The following FER variants were observed in gnomAD, a reference collection of about 807,000 sequenced individuals.
FER encodes the protein tyrosine-protein kinase Fer.
FER carries 63 observed loss-of-function variants against 111.0 expected under a neutral mutation model. The observed-to-expected ratio is 0.57, with a 90% CI of 0.46 to 0.70. FER has a LOEUF of 0.70. FER is among the 30% of genes least tolerant of loss of function. The pLI is 0.00. For missense variants in FER, 914 were observed against 954.0 expected (o/e 0.96, Z 0.55); for synonymous variants, 327 against 313.9 (o/e 1.04, Z -0.44).
Position 108,877,066 on chromosome 5 carries a change from C to G in FER, c.923+4854C>G, listed in dbSNP as rs1333260450. On this transcript the variant is annotated intron_variant, in intron 8 of 19. Coordinates refer to ENST00000281092, the MANE Select transcript of FER (RefSeq NM_005246.4). ...TTTATCAGAAAATGGTTGCTGACTC[C>G]TGTTACAGAGGATGATACCAATTTA... Among the ~76,000 whole-genome samples the G allele has an allele frequency of 1.8e-4, 27 of 152,106 alleles. 1 individual carries two copies. Among genetic ancestry groups the G allele is most frequent in the Admixed American group, 1.6e-3 (24 of 15,252 alleles).
At chr5:108,848,664 C>T (rs924970907) in intron 5 of FER, among the ~76,000 whole-genome samples, 3 of 151,908 alleles carry the variant, frequency 2.0e-5, no homozygotes, top group Non-Finnish European at 4.4e-5. Flanking sequence ...GCTTATGTTA[C>T]AAACTACACA....
intron 17 of FER, among the ~76,000 whole-genome samples, chr5:109,177,264 C>T (rs1396843063): frequency 1.3e-5 from 2 of 151,926 alleles, no homozygotes; most frequent in African/African-American, 4.8e-5. Flanking sequence ...ATGAAATATG[C>T]TTCATTTAAT....
chr5:109,019,986 C>A (rs1192422523), intron 13 of FER, among the ~76,000 whole-genome samples: 1 of 151,832 alleles, frequency 6.6e-6, no homozygotes, highest in African/African-American at 2.4e-5. Flanking sequence ...GAATTTACTT[C>A]AAGGTAACTT....
intron 17 of FER, among the ~76,000 whole-genome samples, chr5:109,157,280 A>G (rs529120951): frequency 1.3e-5 from 2 of 152,282 alleles, no homozygotes; most frequent in South Asian, 4.1e-4. Flanking sequence ...CTGGCAGTTC[A>G]GTGTTACACA....
chr5:108,932,919 G>T (rs1307975449), intron 10 of FER, among the ~76,000 whole-genome samples: 3 of 150,116 alleles, frequency 2.0e-5, no homozygotes, highest in Non-Finnish European at 3.0e-5. Flanking sequence ...GTTCCTTGTA[G>T]ATTCTGGATA....
chr5:108,901,888 C>T (rs931992604), intron 10 of FER, among the ~76,000 whole-genome samples: 3 of 152,178 alleles, frequency 2.0e-5, no homozygotes, highest in African/African-American at 4.8e-5. Context: ...TAGTTTGAGA[C>T]TGCAGTGTTC....
chr5:109,026,502 A>G (rs1227041423), intron 13 of FER, among the ~76,000 whole-genome samples: 1 of 152,018 alleles, frequency 6.6e-6, no homozygotes, highest in Non-Finnish European at 1.5e-5. Context: ...TAATTCTTGG[A>G]TTATAAAAAG....
intron 10 of FER, among the ~76,000 whole-genome samples, chr5:108,916,015 C>A (rs887976597): frequency 2.0e-5 from 3 of 152,272 alleles, no homozygotes; most frequent in Non-Finnish European, 4.4e-5. Flanking sequence ...CTCCAGGTTT[C>A]CATTTTTATT....
intron 2 of FER, among the ~76,000 whole-genome samples, chr5:108,771,803 G>A (rs1001650815): frequency 9.2e-5 from 14 of 152,154 alleles, no homozygotes; most frequent in Non-Finnish European, 1.5e-4. Context: ...AAAACTTTTA[G>A]CATGCAGATC....
Position 108,946,236 on chromosome 5 carries a change from ACT to A in FER, c.1329+19_1329+20del, listed in dbSNP as rs765601404. ...GGCTCTTCAGCAGTAAGTAGGATTA[ACT>A]CTCTGTGCTACTGAAAATGGTCATT... On this transcript the variant is annotated intron_variant, in intron 11 of 19. Transcript: ENST00000281092. 1.9e-6 allele frequency: 3 copies of A among 1,576,948 alleles called. No individual in the cohort carries two copies. The highest frequency in any genetic ancestry group is 1.7e-5 in the Admixed American group (1 of 59,790).
intron 9 of FER, among the ~76,000 whole-genome samples, chr5:108,889,224 A>C (rs1393136834): frequency 6.6e-6 from 1 of 151,956 alleles, no homozygotes; most frequent in African/African-American, 2.4e-5. Context: ...ACTCAAAAGA[A>C]GGGAAGTCAG....
intron 16 of FER, 144 bp from the exon 17 acceptor site, chr5:109,100,252 C>T (rs1193266584): frequency 6.0e-6 from 5 of 827,966 alleles, no homozygotes; most frequent in African/African-American, 1.7e-5. Context: ...TTCTGTTATC[C>T]TCACGTCAAA....
intron 8 of FER, 114 bp from the exon 9 acceptor site, chr5:108,883,282 T>C: frequency 1.0e-6 from 1 of 988,508 alleles, no homozygotes; most frequent in Non-Finnish European, 1.4e-6. Flanking sequence ...TTGAATCAGA[T>C]TATATGTGGC....
intron 4 of FER, among the ~76,000 whole-genome samples, chr5:108,834,698 CAAAAAAAAAAA>C (rs758205074): frequency 1.9e-5 from 1 of 51,646 alleles, no homozygotes; most frequent in African/African-American, 7.1e-5. Context: ...GATTCTGTCT[CAAAAAAAAAAA>C]AAAAAAAAAG....
rs147808858 is a variant in FER at position 108,853,305 on chromosome 5, A to G, written c.482-14462A>G. Reference sequence around the variant, plus strand: ...GCTATATGTTAGTCACTGCTCTCTTAATTTGGGATATTGTAGATAACAATA... The same window carrying G: ...GCTATATGTTAGTCACTGCTCTCTTGATTTGGGATATTGTAGATAACAATA... On this transcript the variant is annotated intron_variant, in intron 5 of 19. Transcript: ENST00000281092. Among the ~76,000 whole-genome samples the G allele has an allele frequency of 5.0e-3, 762 of 152,320 alleles. 3 individuals carry two copies. The highest frequency in any genetic ancestry group is 7.2e-3 in the Non-Finnish European group (491 of 68,008).
intron 17 of FER, among the ~76,000 whole-genome samples, chr5:109,174,094 G>T (rs901879679): frequency 6.6e-6 from 1 of 152,106 alleles, no homozygotes; most frequent in East Asian, 1.9e-4. Context: ...TTCCTTTGGG[G>T]CCACTTTTAG....
chr5:109,150,204 T>C (rs1754672852), intron 17 of FER, among the ~76,000 whole-genome samples: 1 of 152,100 alleles, frequency 6.6e-6, no homozygotes, highest in Admixed American at 6.6e-5. Context: ...TTTCTCTAAG[T>C]CATCCCTTTG....
chr5:109,009,485 C>G (rs948880718), intron 13 of FER, among the ~76,000 whole-genome samples: 1 of 152,200 alleles, frequency 6.6e-6, no homozygotes, highest in Non-Finnish European at 1.5e-5. Context: ...ATTTAACTCT[C>G]AAATGTTGGA....
At chr5:108,898,161 A>G (rs1216250465) in intron 10 of FER, among the ~76,000 whole-genome samples, 2 of 152,192 alleles carry the variant, frequency 1.3e-5, no homozygotes, top group East Asian at 3.8e-4. Context: ...GAGAGAAGTA[A>G]GCAATAAGAA....
Sources: allele counts gnomAD v4.1 joint callset (sites outside exome capture counted in the v4.1 genomes callset), GRCh38; gene constraint gnomAD v4.1.1; transcripts MANE v1.5; gene names NCBI Gene and HGNC (gene_info 2026-07-23, HGNC 2026-07-21).